The following CSMD1 variants were observed in gnomAD, a reference collection of about 807,000 sequenced individuals.
CSMD1 encodes the protein CUB and sushi domain-containing protein 1.
Under a neutral mutation model 417.5 loss-of-function variants are expected in CSMD1, and 213 were observed. The observed-to-expected ratio is 0.51, with a 90% CI of 0.46 to 0.57. The LOEUF is 0.57. Ranked by LOEUF, CSMD1 falls within the 20% of genes least tolerant of loss-of-function variation. The pLI is 0.00. For synonymous variants in CSMD1, 2,862 were observed against 1,736.8 expected (o/e 1.65, Z -16.11); for missense variants, 6,923 against 4,529.7 (o/e 1.53, Z -15.17).
chr8:4,349,042 G>C (rs528539900), intron 3 of CSMD1, among the ~76,000 whole-genome samples: 1 of 152,150 alleles, frequency 6.6e-6, no homozygotes, highest in Non-Finnish European at 1.5e-5. Context: ...TTACATTCTT[G>C]CTAATTTAGT....
In CSMD1 at chr8:4,173,637, C is replaced by G. The variant is rs73658433; in HGVS notation, c.416-141538G>C. Among the ~76,000 whole-genome samples, 1,053 of 152,136 alleles carry G rather than the reference C, an allele frequency of 6.9e-3. 17 individuals are homozygous for G. The highest frequency in any genetic ancestry group is 0.025 in the African/African-American group (1,019 of 41,460). ...ATAGCTTTGTGGAAGTTCGGAAACA[C>G]TGAATGCCACTTTTCAGACCCAAAA... is the stretch of plus-strand genomic sequence containing the variant. On this transcript the variant is annotated intron_variant, in intron 3 of 69. Transcript: ENST00000635120.
intron 40 of CSMD1, among the ~76,000 whole-genome samples, chr8:3,146,584 A>T (rs996691406): frequency 3.3e-5 from 5 of 152,174 alleles, no homozygotes; most frequent in African/African-American, 1.2e-4. Context: ...AGAGCCTAAA[A>T]TTGTGAGCAA....
Position 3,319,678 on chromosome 8 carries a change from G to GT in CSMD1, c.3632-11176dup, listed in dbSNP as rs765306840. On this transcript the variant is annotated intron_variant, in intron 23 of 69. Coordinates refer to ENST00000635120, the MANE Select transcript of CSMD1 (RefSeq NM_033225.6). ...AGATGGGAGAATTCTCAGATTATTT[G>GT]TTTTTTTTTGCCTGATTGCTGAAGA... Among the ~76,000 whole-genome samples the GT allele has an allele frequency of 1.9e-3, 276 of 148,426 alleles. 2 individuals carry two copies. The East Asian group carries it at 0.023, about 12-fold the overall frequency.
chr8:4,149,662 C>T (rs902366258), intron 3 of CSMD1, among the ~76,000 whole-genome samples: 1 of 152,286 alleles, frequency 6.6e-6, no homozygotes, highest in East Asian at 1.9e-4. Context: ...ATGGAGGATG[C>T]TAAGTGCTAC....
chr8:3,640,892 G>A (rs993675775), intron 7 of CSMD1, among the ~76,000 whole-genome samples: 1 of 151,946 alleles, frequency 6.6e-6, no homozygotes, highest in African/African-American at 2.4e-5. Context: ...TATCCAATAT[G>A]TGGCATTAAT....
At chr8:3,141,549 AC>A (rs1204477638) in intron 41 of CSMD1, among the ~76,000 whole-genome samples, 6 of 151,820 alleles carry the variant, frequency 4.0e-5, no homozygotes, top group South Asian at 4.2e-4. Context: ...CCAAGTCTGA[AC>A]CTCCCCAAAT....
At chr8:3,316,215 G>C (rs1805745743) in intron 23 of CSMD1, among the ~76,000 whole-genome samples, 1 of 152,134 alleles carries the variant, frequency 6.6e-6, no homozygotes, top group Non-Finnish European at 1.5e-5. Context: ...CTTACAATTA[G>C]GTGCTAACTA....
chr8:4,555,210 G>T (rs143384071), intron 2 of CSMD1, among the ~76,000 whole-genome samples: 1 of 152,314 alleles, frequency 6.6e-6, no homozygotes, highest in Non-Finnish European at 1.5e-5. Flanking sequence ...AAGAATGAAT[G>T]CAGGAAGACC....
At chr8:4,631,716 A>G (rs1434992413) in intron 2 of CSMD1, among the ~76,000 whole-genome samples, 1 of 152,196 alleles carries the variant, frequency 6.6e-6, no homozygotes, top group Non-Finnish European at 1.5e-5. Flanking sequence ...TATTTTAACA[A>G]CACTTATTCA....
intron 26 of CSMD1, among the ~76,000 whole-genome samples, chr8:3,234,169 G>T (rs1421533194): frequency 6.6e-6 from 1 of 152,188 alleles, no homozygotes; most frequent in African/African-American, 2.4e-5. Flanking sequence ...GGCAATCAGG[G>T]CAGGGCTGGC....
At chr8:4,276,833 T>C (rs911283675) in intron 3 of CSMD1, among the ~76,000 whole-genome samples, 10 of 152,206 alleles carry the variant, frequency 6.6e-5, no homozygotes, top group African/African-American at 2.4e-4. Flanking sequence ...TTTTCAGAAA[T>C]ACAATAAATG....
chr8:4,209,972 G>C (rs1345116891), intron 3 of CSMD1, among the ~76,000 whole-genome samples: 1 of 152,176 alleles, frequency 6.6e-6, no homozygotes, highest in Non-Finnish European at 1.5e-5. Flanking sequence ...GCACACTGGA[G>C]GAGGTGTCTT....
At chr8:3,919,457 C>A (rs920741063) in intron 5 of CSMD1, among the ~76,000 whole-genome samples, 1 of 151,998 alleles carries the variant, frequency 6.6e-6, no homozygotes, top group African/African-American at 2.4e-5. Flanking sequence ...TGCTTGAGTT[C>A]ACTTTCTGGC....
intron 3 of CSMD1, among the ~76,000 whole-genome samples, chr8:4,416,353 A>G (rs76890398): frequency 2.6e-5 from 4 of 152,284 alleles, no homozygotes; most frequent in East Asian, 1.9e-4. Context: ...ATTATTGCAT[A>G]TAATTCATAA....
intron 3 of CSMD1, among the ~76,000 whole-genome samples, chr8:4,364,032 A>G (rs551893867): frequency 9.1e-4 from 138 of 152,310 alleles, no homozygotes; most frequent in African/African-American, 2.9e-3. Flanking sequence ...ACTTATTTCA[A>G]TAACTAAGAC....
chr8:4,492,246 T>C (rs2043803), intron 2 of CSMD1, among the ~76,000 whole-genome samples: 112,758 of 152,116 alleles, frequency 0.74, 42,598 homozygotes, highest in Middle Eastern at 0.86. Flanking sequence ...TATGTGAGCA[T>C]GCTCAGCTAA....
intron 3 of CSMD1, among the ~76,000 whole-genome samples, chr8:4,130,840 T>TTA (rs1212162582): frequency 1.7e-4 from 26 of 151,276 alleles, no homozygotes; most frequent in African/African-American, 5.8e-4. Context: ...ATGTGCTATA[T>TTA]TATATATATA....
At chr8:4,449,374 T>C (rs958311039) in intron 2 of CSMD1, among the ~76,000 whole-genome samples, 4 of 152,210 alleles carry the variant, frequency 2.6e-5, no homozygotes, top group African/African-American at 7.2e-5. Flanking sequence ...AGAATGATTC[T>C]GGTGTATAAC....
intron 3 of CSMD1, among the ~76,000 whole-genome samples, chr8:4,414,021 G>C (rs564111858): frequency 6.6e-6 from 1 of 151,920 alleles, no homozygotes; most frequent in Admixed American, 6.6e-5. Context: ...CTCTTCTTGT[G>C]CTAGCACGTT....
Sources: gnomAD v4.1 joint callset for allele counts (sites outside exome capture counted in the v4.1 genomes callset) on GRCh38, gnomAD v4.1.1 for gene constraint, MANE v1.5 for transcripts, NCBI Gene and HGNC (gene_info 2026-07-23, HGNC 2026-07-21) for gene names.